Variants in TTC7A observed in about 807,000 individuals in gnomAD.
TTC7A encodes tetratricopeptide repeat protein 7A.
In TTC7A, 110 loss-of-function variants were observed where a neutral mutation model predicts 103.7. That is an observed-to-expected ratio of 1.06 (90% CI 0.91 to 1.24). TTC7A has a LOEUF of 1.24. Among genes scored for constraint, TTC7A ranks in the 50% most tolerant of loss-of-function variants. TTC7A has a pLI of 0.00. For synonymous variants in TTC7A, 521 were observed against 467.9 expected (o/e 1.11, Z -1.47); for missense variants, 1,340 against 1,116.3 (o/e 1.20, Z -2.86).
At chr2:47,013,003 T>C (rs1345278157) in intron 11 of TTC7A, among the ~76,000 whole-genome samples, 4 of 151,952 alleles carry the variant, frequency 2.6e-5, no homozygotes, top group Non-Finnish European at 5.9e-5. Context: ...TAGTTAAGAG[T>C]TTCACTGCCC....
Position 46,993,497 on chromosome 2 carries a change from T to C in TTC7A, c.812T>C (p.Val271Ala), listed in dbSNP as rs1186682213. ...GAGCTCCGGGAGGTGCTGCGGACTGTGGAGACCAAAGCAACTCAGAACTTC... is the reference window on the plus strand; with the variant it reads ...GAGCTCCGGGAGGTGCTGCGGACTGCGGAGACCAAAGCAACTCAGAACTTC... Reference protein sequence around the residue: ...MRELREVLRTVETKATQNFKV... With the variant: ...MRELREVLRTAETKATQNFKV... The change falls in exon 6 of 20, where the codon GTG (valine) becomes GCG (alanine). Residue 271 changes from valine to alanine, a missense_variant. By Grantham distance (64) the Val-to-Ala change is moderately conservative. Transcript: ENST00000319190. 2 of 1,614,038 alleles carry C rather than the reference T, an allele frequency of 1.2e-6. No individual in the cohort carries two copies. Among genetic ancestry groups the C allele is most frequent in the South Asian group, 2.2e-5 (2 of 91,074 alleles).
At chr2:46,995,062 G>T in intron 7 of TTC7A, 74 bp from the exon 8 acceptor site, 1 of 1,446,446 alleles carries the variant, frequency 6.9e-7, no homozygotes, top group Non-Finnish European at 9.7e-7. Flanking sequence ...GGGGCAGAAG[G>T]CTGGCATGGT....
chr2:46,987,788 A>G (rs945328549), intron 5 of TTC7A, among the ~76,000 whole-genome samples: 17 of 151,296 alleles, frequency 1.1e-4, no homozygotes, highest in Non-Finnish European at 2.2e-4. Flanking sequence ...CAGGCCGGTG[A>G]AAGCACTGTC....
At chr2:47,039,973 GCTGA>G (rs1681556809) in intron 15 of TTC7A, among the ~76,000 whole-genome samples, 1 of 152,188 alleles carries the variant, frequency 6.6e-6, no homozygotes, top group Non-Finnish European at 1.5e-5. Context: ...TTCAGCAGGG[GCTGA>G]CTCTGTTAGG....
chr2:47,064,820 C>T (rs1410702831), intron 19 of TTC7A, among the ~76,000 whole-genome samples: 2 of 152,206 alleles, frequency 1.3e-5, no homozygotes, highest in South Asian at 2.1e-4. Flanking sequence ...ACTGGCTTGA[C>T]TTGGTTTCCC....
At chr2:46,994,200 C>A in intron 6 of TTC7A, 157 bp from the exon 7 acceptor site, 1 of 815,548 alleles carries the variant, frequency 1.2e-6, no homozygotes, top group Non-Finnish European at 1.9e-6. Flanking sequence ...ACTGAAGGAG[C>A]AAGGGGGCTC....
At chr2:47,038,629 TCCCACCCACCC>T (rs1681397091) in intron 15 of TTC7A, among the ~76,000 whole-genome samples, 134 of 86,908 alleles carry the variant, frequency 1.5e-3, no homozygotes, top group Admixed American at 1.8e-3. Flanking sequence ...TGCTGCCACT[TCCCACCCACCC>T]TCCCCCCACC....
chr2:47,042,848 C>T (rs1681908704), intron 15 of TTC7A, among the ~76,000 whole-genome samples: 1 of 152,202 alleles, frequency 6.6e-6, no homozygotes, highest in Admixed American at 6.5e-5. Context: ...ATCCTTTATT[C>T]AAGTGGTGTT....
intron 3 of TTC7A, among the ~76,000 whole-genome samples, chr2:46,958,726 C>CTG (rs1672120100): frequency 6.6e-6 from 1 of 152,208 alleles, no homozygotes; most frequent in Admixed American, 6.5e-5. Context: ...TTGCCTGACC[C>CTG]TGTGTGTGCT....
chr2:46,938,714 C>A (rs1670100864), upstream of TTC7A, among the ~76,000 whole-genome samples: 1 of 152,082 alleles, frequency 6.6e-6, no homozygotes, highest in Admixed American at 6.6e-5. Context: ...TTCATACCTG[C>A]AATCAAAGCA....
chr2:46,924,654 T>C (rs1328448454), intron 2 of TTC7A, among the ~76,000 whole-genome samples: 3 of 152,000 alleles, frequency 2.0e-5, no homozygotes, highest in African/African-American at 7.2e-5. Flanking sequence ...GGAGATAGGG[T>C]CTTGCTCTGT....
Position 46,960,791 on chromosome 2 carries a change from C to T in TTC7A, c.517+3784C>T, listed in dbSNP as rs563523494. ...ATGGATGTCTCTAAAGCTTGTGTCC[C>T]ACCTGTAACAGAGGAGCCCACCAGA... On this transcript the variant is annotated intron_variant, in intron 3 of 19. Transcript: ENST00000319190. Among the ~76,000 whole-genome samples the T allele has an allele frequency of 5.3e-5, 8 of 152,300 alleles. No homozygotes were observed. In the South Asian group the frequency reaches 1.2e-3, roughly 24 times the overall value.
chr2:46,953,642 G>T (rs1478525973), intron 2 of TTC7A, among the ~76,000 whole-genome samples: 1 of 152,000 alleles, frequency 6.6e-6, no homozygotes, highest in South Asian at 2.1e-4. Context: ...TTTCCTCTTG[G>T]TTATCTCTCT....
intron 15 of TTC7A, among the ~76,000 whole-genome samples, chr2:47,036,027 G>C (rs548698997): frequency 6.6e-6 from 1 of 152,314 alleles, no homozygotes; most frequent in African/African-American, 2.4e-5. Flanking sequence ...TTCCACCCCT[G>C]AATGGCCATG....
chr2:46,931,024 A>G lies in TTC7A; in HGVS notation c.82+13747A>G, dbSNP rs74631352. The stretch of plus-strand genomic sequence containing the variant: ...CGTATCTCATGGATACCAGAATTCT[A>G]AACAAAACATTTTATTAGCAATTCA... On this transcript the variant is annotated intron_variant, in intron 2 of 20. Coordinates refer to the TTC7A transcript ENST00000409245. Among the ~76,000 whole-genome samples the G allele has an allele frequency of 4.1e-4, 63 of 152,376 alleles. No individual in the cohort carries two copies. In the East Asian group the frequency reaches 9.1e-3, roughly 22 times the overall value.
chr2:47,029,204 C>T lies in TTC7A; in HGVS notation c.1642-20C>T. 6.2e-7 allele frequency: 1 copy of T among 1,612,740 alleles called. No individual in the cohort carries two copies. The highest frequency in any genetic ancestry group is 8.5e-7 in the Non-Finnish European group (1 of 1,179,510). On this transcript the variant is annotated intron_variant, in intron 14 of 19. Coordinates refer to ENST00000319190, the MANE Select transcript of TTC7A (RefSeq NM_020458.4). Reference sequence around the variant, plus strand: ...CAGCATGTGCCTGGGGAAGGCTAACCTGGCGGGTTCCTTCAACAGATCTCC... The same window carrying T: ...CAGCATGTGCCTGGGGAAGGCTAACTTGGCGGGTTCCTTCAACAGATCTCC...
intron 11 of TTC7A, among the ~76,000 whole-genome samples, chr2:47,021,001 G>C (rs191169592): frequency 1.6e-3 from 249 of 152,356 alleles, no homozygotes; most frequent in Middle Eastern, 3.4e-3. Context: ...TTTGATGTCT[G>C]GGTGGCACTG....
At chr2:47,012,688 A>C (rs980653148) in intron 11 of TTC7A, among the ~76,000 whole-genome samples, 17 of 152,196 alleles carry the variant, frequency 1.1e-4, no homozygotes, top group Admixed American at 4.6e-4. Context: ...TGGGATTGGA[A>C]ACTGGCCCCA....
intron 19 of TTC7A, chr2:47,065,612 G>A (rs1684121599): frequency 6.6e-6 from 1 of 152,120 alleles, no homozygotes; most frequent in East Asian, 1.9e-4. Flanking sequence ...ATAGGGGGAG[G>A]GCAGAGAGCT....
Sources: gnomAD v4.1 joint callset for allele counts (sites outside exome capture counted in the v4.1 genomes callset) on GRCh38, gnomAD v4.1.1 for gene constraint, MANE v1.5 for transcripts, NCBI Gene and HGNC (gene_info 2026-07-23, HGNC 2026-07-21) for gene names.